The following MAML3 variants were observed in gnomAD, a reference collection of about 807,000 sequenced individuals.
MAML3 encodes mastermind like transcriptional coactivator 3.
In MAML3, 27 loss-of-function variants were observed where a neutral mutation model predicts 101.9. The observed-to-expected ratio is 0.27, with a 90% CI of 0.20 to 0.37. The LOEUF (loss-of-function observed/expected upper bound fraction) is 0.37, where lower values mean the gene tolerates loss of function less well. Ranked by LOEUF, MAML3 falls within the 10% of genes least tolerant of loss-of-function variation. The pLI, the probability that MAML3 is intolerant of heterozygous loss-of-function variation, is 1.00. For synonymous variants in MAML3, 501 were observed against 555.9 expected (o/e 0.90, Z 1.39); for missense variants, 1,316 against 1,444.9 (o/e 0.91, Z 1.45).
chr4:139,764,672 G>A (rs1729817954), intron 2 of MAML3, among the ~76,000 whole-genome samples: 1 of 152,214 alleles, frequency 6.6e-6, no homozygotes, highest in Non-Finnish European at 1.5e-5. Context: ...TTGTTATTGG[G>A]CATTCTACTG....
At chr4:139,739,669 G>T (rs1729084601) in intron 2 of MAML3, among the ~76,000 whole-genome samples, 1 of 120,134 alleles carries the variant, frequency 8.3e-6, no homozygotes. Flanking sequence ...AAAGGCAGGG[G>T]AGGAAAGCAG....
At chr4:139,923,859 C>A (rs1472964426) in intron 1 of MAML3, among the ~76,000 whole-genome samples, 1 of 152,072 alleles carries the variant, frequency 6.6e-6, no homozygotes, top group East Asian at 1.9e-4. Flanking sequence ...TTACTGGCTA[C>A]CCTTATTATG....
At chr4:139,831,305 C>G (rs1244901432) in intron 2 of MAML3, among the ~76,000 whole-genome samples, 1 of 151,862 alleles carries the variant, frequency 6.6e-6, no homozygotes, top group Non-Finnish European at 1.5e-5. Context: ...TTTTAAAAAC[C>G]CAAATGAAGA....
At chr4:140,060,290 C>T (rs531020032) in intron 1 of MAML3, among the ~76,000 whole-genome samples, 4 of 136,466 alleles carry the variant, frequency 2.9e-5, no homozygotes, top group Non-Finnish European at 4.6e-5. Flanking sequence ...TGCTTGAACC[C>T]GGGAGGGGGA....
At chr4:140,068,871 A>C (rs1727583088) in intron 1 of MAML3, among the ~76,000 whole-genome samples, 1 of 152,164 alleles carries the variant, frequency 6.6e-6, no homozygotes, top group African/African-American at 2.4e-5. Context: ...TTAGCTATTA[A>C]TGTAATTAGG....
chr4:139,753,712 T>A (rs1729581434), intron 2 of MAML3, among the ~76,000 whole-genome samples: 1 of 152,232 alleles, frequency 6.6e-6, no homozygotes, highest in African/African-American at 2.4e-5. Flanking sequence ...GTCAAATAGA[T>A]GTTAAACTAT....
At position 139,840,208 on chromosome 4, in the gene MAML3, T is replaced by C. The variant is rs1178191800; in HGVS notation, c.2079+49149A>G. ...TCTGGCCCCTGGGATCCTCCCTTCA[T>C]AGCTACGTACTGGGCATACAGAAAA... is the stretch of plus-strand genomic sequence containing the variant. On this transcript the variant is annotated intron_variant, in intron 2 of 4. Transcript: ENST00000509479. Among the ~76,000 whole-genome samples, 5 of 152,332 alleles carry C rather than the reference T, an allele frequency of 3.3e-5. No homozygotes were observed. In the East Asian group the frequency reaches 5.8e-4, roughly 18 times the overall value.
chr4:140,069,799 G>A (rs1177652072), intron 1 of MAML3, among the ~76,000 whole-genome samples: 1 of 151,414 alleles, frequency 6.6e-6, no homozygotes, highest in Non-Finnish European at 1.5e-5. Context: ...CATGGAGAAA[G>A]ATCGAACTGG....
At chr4:139,776,657 T>C (rs981922843) in intron 2 of MAML3, among the ~76,000 whole-genome samples, 1 of 152,044 alleles carries the variant, frequency 6.6e-6, no homozygotes, top group Non-Finnish European at 1.5e-5. Context: ...AAATGGTGCA[T>C]TTAAACCCCA....
rs1256484150 is a variant in MAML3 at position 140,153,138 on chromosome 4, A to G, written c.190T>C (p.Ser64Pro). ...GTGCTGTGCTTGGGAACGGCCGCCG[A>G]ACCGCCGCCGGGGCCCCCGGAGCCG... ...CGGSGGPGGG[S>P]AAVPKHSTVV... Residue 64 changes from serine (S) to proline (P), a missense_variant, in exon 1 of 5, where the codon TCG becomes CCG. Physicochemically the swap from Ser to Pro is moderately conservative, Grantham distance 74. Coordinates refer to ENST00000509479, the MANE Select transcript of MAML3 (RefSeq NM_018717.5). 1 of 1,549,964 alleles carries G rather than the reference A, an allele frequency of 6.5e-7. No homozygotes were observed. Among genetic ancestry groups the G allele is most frequent in the East Asian group, 2.4e-5 (1 of 40,894 alleles).
chr4:139,967,134 A>C (rs2110784479), intron 1 of MAML3, among the ~76,000 whole-genome samples: 1 of 152,278 alleles, frequency 6.6e-6, no homozygotes, highest in South Asian at 2.1e-4. Flanking sequence ...TGGAAAAGAG[A>C]GGCTCTTTTT....
chr4:139,813,173 T>A (rs1197297767), intron 2 of MAML3, among the ~76,000 whole-genome samples: 1 of 151,222 alleles, frequency 6.6e-6, no homozygotes, highest in Non-Finnish European at 1.5e-5. Context: ...AAGAAAAAGA[T>A]AAGAAAATAG....
intron 2 of MAML3, among the ~76,000 whole-genome samples, chr4:139,770,023 G>A (rs780515511): frequency 1.3e-5 from 2 of 151,290 alleles, no homozygotes; most frequent in South Asian, 2.1e-4. Flanking sequence ...GGGTTCAGGC[G>A]ATCCTCCTAC....
At chr4:139,976,555 C>A (rs1443891881) in intron 1 of MAML3, among the ~76,000 whole-genome samples, 1 of 151,996 alleles carries the variant, frequency 6.6e-6, no homozygotes, top group Non-Finnish European at 1.5e-5. Context: ...TAGGTGATAC[C>A]TTCAGGAAAA....
At chr4:140,045,791 A>G (rs1354939191) in intron 1 of MAML3, among the ~76,000 whole-genome samples, 3 of 152,224 alleles carry the variant, frequency 2.0e-5, no homozygotes, top group Non-Finnish European at 4.4e-5. Flanking sequence ...CTGACCCATC[A>G]GAAGAGCCTC....
In MAML3 at chr4:139,977,062, T is replaced by C. The variant is rs147326175; in HGVS notation, c.469-86095A>G. On this transcript the variant is annotated intron_variant, in intron 1 of 4. Transcript: ENST00000509479. The stretch of plus-strand genomic sequence containing the variant: ...GAGCCTCATGAATGGGATTTGCCCT[T>C]ATAAGAGTTCCTGGTGAGCTGCTTC... 1.6e-4 allele frequency among the ~76,000 whole-genome samples: 24 copies of C among 152,242 alleles called. No homozygotes were observed. The East Asian group carries it at 4.6e-3, about 29-fold the overall frequency.
At chr4:139,870,490 A>T (rs1470988024) in intron 2 of MAML3, among the ~76,000 whole-genome samples, 1 of 152,210 alleles carries the variant, frequency 6.6e-6, no homozygotes, top group Non-Finnish European at 1.5e-5. Context: ...AAGCCTTGAA[A>T]TGAAAAATTG....
At chr4:140,058,138 C>G (rs975935899) in intron 1 of MAML3, among the ~76,000 whole-genome samples, 2 of 151,996 alleles carry the variant, frequency 1.3e-5, no homozygotes, top group Non-Finnish European at 2.9e-5. Context: ...GGTACCATAC[C>G]CTTTCAAAAT....
At chr4:140,131,192 C>A (rs1728787813) in intron 1 of MAML3, among the ~76,000 whole-genome samples, 1 of 152,136 alleles carries the variant, frequency 6.6e-6, no homozygotes, top group Non-Finnish European at 1.5e-5. Context: ...TGCAGATATT[C>A]CTAGGATTTA....
Sources: allele counts gnomAD v4.1 joint callset (sites outside exome capture counted in the v4.1 genomes callset), GRCh38; gene constraint gnomAD v4.1.1; transcripts MANE v1.5; gene names NCBI Gene and HGNC (gene_info 2026-07-23, HGNC 2026-07-21).